The following SRL variants were observed in gnomAD, a reference collection of about 807,000 sequenced individuals.
SRL encodes the protein sarcalumenin.
In SRL, 23 loss-of-function variants were observed where a neutral mutation model predicts 39.5. That is an observed-to-expected ratio of 0.58 (90% CI 0.42 to 0.82). SRL has a LOEUF of 0.82. Among genes scored for constraint, SRL ranks in the 40% least tolerant of loss-of-function variants. The pLI, the probability that SRL is intolerant of heterozygous loss-of-function variation, is 0.00. For missense variants in SRL, 592 were observed against 607.8 expected, an observed-to-expected ratio of 0.97 and a Z score of 0.27; for synonymous variants, 272 against 237.4, an observed-to-expected ratio of 1.15 and a Z score of -1.34.
chr16:4,220,709 T>A (rs1224462709), intron 1 of SRL, among the ~76,000 whole-genome samples: 1 of 152,166 alleles, frequency 6.6e-6, no homozygotes, highest in African/African-American at 2.4e-5. Flanking sequence ...CTGGGCTCTC[T>A]GCATCTGTCT....
intron 1 of SRL, among the ~76,000 whole-genome samples, chr16:4,220,065 A>G (rs1331564138): frequency 6.6e-6 from 1 of 152,094 alleles, no homozygotes; most frequent in Non-Finnish European, 1.5e-5. Flanking sequence ...GGATGCCTCC[A>G]GAGCAAATCT....
intron 1 of SRL, among the ~76,000 whole-genome samples, chr16:4,220,639 G>A (rs1013505035): frequency 2.0e-5 from 3 of 152,140 alleles, no homozygotes; most frequent in African/African-American, 7.2e-5. Flanking sequence ...CCACCCCAGG[G>A]AGAAATCATC....
At position 4,192,749 on chromosome 16, in the gene SRL, A is replaced by G. The variant is rs2052084826; in HGVS notation, c.826T>C (p.Leu276=). 19 of 1,614,064 alleles carry G rather than the reference A, an allele frequency of 1.2e-5. No individual in the cohort carries two copies. Among genetic ancestry groups the G allele is most frequent in the Non-Finnish European group, 1.5e-5 (18 of 1,180,040 alleles). Residue 276 remains leucine, a synonymous_variant, in exon 6 of 6, where the codon TTG becomes CTG. Transcript: ENST00000399609. The surrounding 1 kb of genome is among the most constrained non-coding windows in gnomAD (Gnocchi z 4.0). The stretch of plus-strand genomic sequence containing the variant: ...TCTGTGACATTGATGAGAGGGGCCA[A>G]GCTCCAGAAGAGGGCCCCGTAAACC... The part of the protein sequence containing the change: ...MRVYGALFWS[L]APLINVTEPP...
chr16:4,211,926 T>C (rs146017924), intron 1 of SRL, among the ~76,000 whole-genome samples: 4 of 152,278 alleles, frequency 2.6e-5, no homozygotes, highest in Non-Finnish European at 5.9e-5. Flanking sequence ...GTGATAATGA[T>C]ACTGAGTTGA....
intron 1 of SRL, among the ~76,000 whole-genome samples, chr16:4,218,414 T>C (rs1439418752): frequency 6.6e-6 from 1 of 152,042 alleles, no homozygotes; most frequent in Non-Finnish European, 1.5e-5. Flanking sequence ...GGCTTCCTCA[T>C]CCTCATGGTA....
At chr16:4,239,921 G>A (rs951373602) in intron 1 of SRL, among the ~76,000 whole-genome samples, 2 of 151,240 alleles carry the variant, frequency 1.3e-5, no homozygotes, top group African/African-American at 2.5e-5. Context: ...GCAGCAGCAG[G>A]TCGGGAGGTG....
At position 4,203,267 on chromosome 16, in the gene SRL, G is replaced by A. The variant is rs966217894; in HGVS notation, c.164-6C>T. ...CCGAAGCCGCTGCAGCACCGCTGGA[G>A]ACAGAGAGGGCCGGGGGAAGAGCAT... On this transcript the variant is annotated splice_region_variant and splice_polypyrimidine_tract_variant and intron_variant, in intron 2 of 5. Coordinates refer to ENST00000399609, the MANE Select transcript of SRL (RefSeq NM_001098814.2). The A allele has an allele frequency of 1.2e-6, 2 of 1,613,434 alleles. No individual in the cohort carries two copies. The highest frequency in any genetic ancestry group is 2.2e-5 in the South Asian group (2 of 91,064).
intron 1 of SRL, among the ~76,000 whole-genome samples, chr16:4,239,894 G>A (rs1323336561): frequency 1.3e-5 from 2 of 152,226 alleles, no homozygotes; most frequent in Non-Finnish European, 2.9e-5. Context: ...CCCAGTGGGT[G>A]GTACAAAGGC....
Position 4,241,999 on chromosome 16 carries a change from G to A in SRL, c.61+8C>T, listed in dbSNP as rs374888728. The A allele has an allele frequency of 1.2e-6, 2 of 1,613,772 alleles. No homozygotes were observed. Among genetic ancestry groups the A allele is most frequent in the Non-Finnish European group, 1.7e-6 (2 of 1,179,944 alleles). On this transcript the variant is annotated splice_region_variant and intron_variant, in intron 1 of 5. Coordinates refer to ENST00000399609, the MANE Select transcript of SRL (RefSeq NM_001098814.2). ...GTCTGGGCTGGGTCATGCTGGGAGG[G>A]GCCCTACCTGCTTGTCCTGAGAACA...
chr16:4,203,902 G>A (rs2052275257), intron 2 of SRL, among the ~76,000 whole-genome samples: 1 of 152,190 alleles, frequency 6.6e-6, no homozygotes, highest in South Asian at 2.1e-4. Context: ...CCTGGCGTTG[G>A]CCTGTCAGTG....
At chr16:4,227,376 G>A (rs1184237019) in intron 1 of SRL, among the ~76,000 whole-genome samples, 15 of 152,004 alleles carry the variant, frequency 9.9e-5, no homozygotes, top group Admixed American at 9.2e-4. Context: ...TGGAAGGATG[G>A]GTGGATGGAT....
intron 1 of SRL, among the ~76,000 whole-genome samples, chr16:4,226,826 C>CGGAT (rs370562967): frequency 3.3e-5 from 4 of 122,004 alleles, no homozygotes; most frequent in East Asian, 2.7e-4. Flanking sequence ...GAAGAATGGA[C>CGGAT]GGATGGATGG....
intron 1 of SRL, among the ~76,000 whole-genome samples, chr16:4,228,915 C>G (rs975205276): frequency 6.6e-6 from 1 of 152,078 alleles, no homozygotes; most frequent in African/African-American, 2.4e-5. Context: ...ACCCCTACCA[C>G]CCACAGCGAG....
rs968653756 is a variant in SRL, at chr16:4,227,312, G to C, written c.61+14695C>G. Among the ~76,000 whole-genome samples, 3 of 151,970 alleles carry C rather than the reference G, an allele frequency of 2.0e-5. No individual in the cohort carries two copies. The East Asian group carries it at 5.8e-4, about 29-fold the overall frequency. On this transcript the variant is annotated intron_variant, in intron 1 of 5. Coordinates refer to ENST00000399609, the MANE Select transcript of SRL (RefSeq NM_001098814.2). ...TAAATGGATGGATGACGGATGGATG[G>C]GTGGATGCATGGATAGATGGGTGGA...
At chr16:4,240,055 C>G (rs986750494) in intron 1 of SRL, among the ~76,000 whole-genome samples, 5 of 152,174 alleles carry the variant, frequency 3.3e-5, no homozygotes, top group Admixed American at 2.0e-4. Flanking sequence ...GGCTGCAGAG[C>G]CCACCACCCC....
chr16:4,239,826 G>A (rs528182656), intron 1 of SRL: 58 of 152,376 alleles, frequency 3.8e-4, no homozygotes, highest in African/African-American at 1.4e-3. Context: ...ATTGCTAGGG[G>A]CGTTTCCCAC....
At chr16:4,209,983 C>G (rs540859092) in intron 1 of SRL, among the ~76,000 whole-genome samples, 2 of 152,180 alleles carry the variant, frequency 1.3e-5, no homozygotes, top group Non-Finnish European at 2.9e-5. Flanking sequence ...CCTGCCTGCA[C>G]GTGCCTTCTC....
intron 1 of SRL, among the ~76,000 whole-genome samples, chr16:4,232,678 T>C (rs1392838345): frequency 1.3e-5 from 2 of 152,090 alleles, no homozygotes; most frequent in Non-Finnish European, 2.9e-5. Context: ...GCCTGGCTAA[T>C]TGTTGTATTT....
At chr16:4,233,911 G>C (rs908988988) in intron 1 of SRL, among the ~76,000 whole-genome samples, 2 of 151,958 alleles carry the variant, frequency 1.3e-5, no homozygotes, top group Non-Finnish European at 2.9e-5. Context: ...TCCCTTTAGG[G>C]AGCATCTCTC....
Sources: allele counts gnomAD v4.1 joint callset (sites outside exome capture counted in the v4.1 genomes callset), GRCh38; gene constraint gnomAD v4.1.1; non-coding constraint Gnocchi (gnomAD v3.1); transcripts MANE v1.5; gene names NCBI Gene and HGNC (gene_info 2026-07-23, HGNC 2026-07-21).